Variants in LRRFIP2 observed in about 807,000 individuals in gnomAD.
LRRFIP2 encodes leucine-rich repeat flightless-interacting protein 2.
In LRRFIP2, 109 loss-of-function variants were observed where a neutral mutation model predicts 125.9. The observed-to-expected ratio is 0.87, with a 90% confidence interval of 0.74 to 1.01. The LOEUF (loss-of-function observed/expected upper bound fraction) is 1.01. Among genes scored for constraint, LRRFIP2 ranks in the 50% least tolerant of loss-of-function variants. The pLI is 0.00. For missense variants in LRRFIP2, 850 were observed against 862.3 expected (o/e 0.99, Z 0.18); for synonymous variants, 291 against 293.1 (o/e 0.99, Z 0.07).
chr3:37,135,953 C>T (rs567248815), intron 2 of LRRFIP2, among the ~76,000 whole-genome samples: 1 of 152,212 alleles, frequency 6.6e-6, no homozygotes, highest in African/African-American at 2.4e-5. Flanking sequence ...CTAAGAGAAA[C>T]GAGAACATAT....
At chr3:37,166,877 A>T (rs1169828319) in intron 1 of LRRFIP2, among the ~76,000 whole-genome samples, 1 of 151,606 alleles carries the variant, frequency 6.6e-6, no homozygotes, top group East Asian at 1.9e-4. Flanking sequence ...AATTAGCTGG[A>T]CATGGTGGCG....
Position 37,057,537 on chromosome 3 carries a change from T to C in LRRFIP2, c.1870+1253A>G, listed in dbSNP as rs1019760245. On this transcript the variant is annotated intron_variant, in intron 25 of 27. Transcript: ENST00000336686. ...CTTAACCCAAAAAGTCTTTTCTCTTTTTTTTTTTTTTGAAGAGACGGGTTT... is the reference window on the plus strand; with the variant it reads ...CTTAACCCAAAAAGTCTTTTCTCTTCTTTTTTTTTTTGAAGAGACGGGTTT... 2.0e-5 allele frequency among the ~76,000 whole-genome samples: 3 copies of C among 150,386 alleles called. No homozygotes were observed. In the East Asian group the frequency reaches 5.8e-4, roughly 29 times the overall value.
rs2094146619 is a variant in LRRFIP2, at chr3:37,103,004, C to T, written c.793G>A (p.Ala265Thr). 15 of 1,558,882 alleles carry T rather than the reference C, an allele frequency of 9.6e-6. No homozygotes were observed. The highest frequency in any genetic ancestry group is 1.7e-4 in the Middle Eastern group (1 of 6,020). ...RGRRESVVSA[A>T]DYFSRSNRRG... ...CGATTGGAGCGACTGAAATAATCAGCGGCAGATACCTTTCGGTCAGAAAAA... is the reference window on the plus strand; with the variant it reads ...CGATTGGAGCGACTGAAATAATCAGTGGCAGATACCTTTCGGTCAGAAAAA... Residue 265 changes from alanine to threonine, a missense_variant, in exon 15 of 28, where the codon GCT becomes ACT. Physicochemically the swap from Ala to Thr is moderately conservative, Grantham distance 58. Coordinates refer to ENST00000336686, the MANE Select transcript of LRRFIP2 (RefSeq NM_006309.4).
intron 2 of LRRFIP2, among the ~76,000 whole-genome samples, chr3:37,140,733 A>C (rs2095675079): frequency 6.6e-6 from 1 of 151,660 alleles, no homozygotes; most frequent in Non-Finnish European, 1.5e-5. Flanking sequence ...TCATTCCCTT[A>C]ATCTTCCTCT....
chr3:37,091,326 G>A lies in LRRFIP2; in HGVS notation c.1107+141C>T, dbSNP rs536879849. The A allele has an allele frequency of 3.3e-3, 1,740 of 535,280 alleles. 8 individuals are homozygous for A. Among genetic ancestry groups the A allele is most frequent in the Non-Finnish European group, 3.6e-3 (1,069 of 298,734 alleles). 33.2% of individuals were successfully genotyped at this position (535,280 alleles called of 1,614,324 possible). On this transcript the variant is annotated intron_variant, in intron 18 of 27. Coordinates refer to ENST00000336686, the MANE Select transcript of LRRFIP2 (RefSeq NM_006309.4). The stretch of plus-strand genomic sequence containing the variant: ...GAGATTGAAAGTTCACCATTCCTAT[G>A]CACTGCAGGTTAAGCACATGCTTGA...
intron 1 of LRRFIP2, among the ~76,000 whole-genome samples, chr3:37,151,898 C>A (rs988200319): frequency 6.6e-6 from 1 of 152,132 alleles, no homozygotes; most frequent in Non-Finnish European, 1.5e-5. Context: ...AGCCACCAGG[C>A]CTGGCCGGAA....
chr3:37,126,868 A>AAAAAGAAAGAAAGAAAGAAAG (rs59982718), intron 4 of LRRFIP2, among the ~76,000 whole-genome samples: 6 of 147,220 alleles, frequency 4.1e-5, no homozygotes, highest in African/African-American at 1.5e-4. Context: ...TCAAAAAAAA[A>AAAAAGAAAGAAAGAAAGAAAG]AAAGAAAGAA....
chr3:37,091,415 C>G lies in LRRFIP2; in HGVS notation c.1107+52G>C, dbSNP rs2149174328. 2.0e-6 allele frequency: 3 copies of G among 1,465,816 alleles called. No homozygotes were observed. In the East Asian group the frequency reaches 6.9e-5, roughly 34 times the overall value. The allele number at this position is 1,465,816 out of a possible 1,614,324, so 90.8% of individuals were successfully genotyped here. On this transcript the variant is annotated intron_variant, in intron 18 of 27. Coordinates refer to ENST00000336686, the MANE Select transcript of LRRFIP2 (RefSeq NM_006309.4). ...AACAGAACTTGCAAAGCCACCATTGCCAACACTTCTGCATACAGAGCATGC... is the reference window on the plus strand; with the variant it reads ...AACAGAACTTGCAAAGCCACCATTGGCAACACTTCTGCATACAGAGCATGC...
chr3:37,091,722 G>C (rs2093450202), intron 17 of LRRFIP2, among the ~76,000 whole-genome samples, 184 bp from the exon 18 acceptor site: 1 of 152,138 alleles, frequency 6.6e-6, no homozygotes, highest in African/African-American at 2.4e-5. Context: ...GGGGATAGTG[G>C]GACTGGGGGA....
chr3:37,115,091 TCATA>T lies in LRRFIP2; in HGVS notation c.331_334del (p.Tyr111IlefsTer13). 3 of 1,593,010 alleles carry T rather than the reference TCATA, an allele frequency of 1.9e-6. No homozygotes were observed. The highest frequency in any genetic ancestry group is 1.7e-6 in the Non-Finnish European group (2 of 1,165,896). ...TCTTGATGATCTATCCTTGAACATA[TCATA>T]CTGGGTTTCAGCAAAACATGAAAGT... On this transcript the variant is annotated frameshift_variant and splice_region_variant, in exon 7 of 28. Transcript: ENST00000336686. LOFTEE classifies it high-confidence loss of function.
chr3:37,130,272 C>T (rs2095393917), intron 2 of LRRFIP2, among the ~76,000 whole-genome samples: 2 of 152,210 alleles, frequency 1.3e-5, no homozygotes, highest in South Asian at 4.1e-4. Flanking sequence ...CATCTGCCTA[C>T]TTCCAGAATC....
chr3:37,117,641 T>G (rs965206200), intron 6 of LRRFIP2, among the ~76,000 whole-genome samples: 4 of 152,164 alleles, frequency 2.6e-5, no homozygotes, highest in African/African-American at 9.6e-5. Context: ...TGTAATCTTT[T>G]AAAGAAATTT....
At chr3:37,082,613 C>G (rs536302053) in intron 19 of LRRFIP2, among the ~76,000 whole-genome samples, 3 of 152,208 alleles carry the variant, frequency 2.0e-5, no homozygotes, top group Middle Eastern at 3.4e-3. Context: ...ATACATGTAT[C>G]CATAATAACA....
rs370891055 is a variant in LRRFIP2 at position 37,065,859 on chromosome 3, C to G, written c.1650G>C (p.Val550=). ...HEPVAGAITV[V]SQEAAQVLES... ...CCAAGACCTGAGCAGCTTCCTGAGA[C>G]ACAACAGTGATGGCTCCAGCCACTG... Residue 550 remains valine, a synonymous_variant, in exon 23 of 28, where the codon GTG becomes GTC. Coordinates refer to ENST00000336686, the MANE Select transcript of LRRFIP2 (RefSeq NM_006309.4). 4 of 1,614,082 alleles carry G rather than the reference C, an allele frequency of 2.5e-6. No individual in the cohort carries two copies. The African/African-American group carries it at 5.3e-5, about 22-fold the overall frequency.
intron 2 of LRRFIP2, among the ~76,000 whole-genome samples, chr3:37,144,967 G>C (rs1020060777): frequency 2.2e-4 from 33 of 152,030 alleles, no homozygotes; most frequent in Admixed American, 1.6e-3. Context: ...GTTTAATTTT[G>C]TTTACTCTTC....
Position 37,053,578 on chromosome 3 carries a change from A to C in LRRFIP2, c.*273T>G, listed in dbSNP as rs2148554584. On this transcript the variant is annotated 3_prime_UTR_variant, in exon 28 of 28. Transcript: ENST00000336686. ...CAGTTACTGAGGCAGCTGGGGAAAAACGTTGAGTAAACATGATTCTACAAT... is the reference window on the plus strand; with the variant it reads ...CAGTTACTGAGGCAGCTGGGGAAAACCGTTGAGTAAACATGATTCTACAAT... 3 of 360,898 alleles carry C rather than the reference A, an allele frequency of 8.3e-6. No homozygotes were observed. The highest frequency in any genetic ancestry group is 6.1e-5 in the East Asian group (1 of 16,350). 22.4% of individuals were successfully genotyped at this position (360,898 alleles called of 1,614,324 possible). A position where few individuals can be genotyped will look rare whatever the true frequency, so the allele number is the denominator to read the frequency against.
At chr3:37,107,458 C>A (rs531649110) in intron 13 of LRRFIP2, among the ~76,000 whole-genome samples, 17 of 152,208 alleles carry the variant, frequency 1.1e-4, no homozygotes, top group African/African-American at 3.9e-4. Flanking sequence ...AAATAAAGAG[C>A]ACTCATACGT....
At chr3:37,083,608 C>G in intron 19 of LRRFIP2, 28 bp downstream of exon 19, 1 of 1,494,346 alleles carries the variant, frequency 6.7e-7, no homozygotes, top group Non-Finnish European at 8.9e-7. Context: ...ATTTTCTGCC[C>G]CAAGAGAAAA....
At chr3:37,147,482 T>C (rs958904635) in intron 2 of LRRFIP2, among the ~76,000 whole-genome samples, 1 of 152,214 alleles carries the variant, frequency 6.6e-6, no homozygotes, top group Non-Finnish European at 1.5e-5. Context: ...ATTTTTGTTA[T>C]AGTAATATCA....
Sources: gnomAD v4.1 joint callset for allele counts (sites outside exome capture counted in the v4.1 genomes callset) on GRCh38, gnomAD v4.1.1 for gene constraint, MANE v1.5 for transcripts, NCBI Gene and HGNC (gene_info 2026-07-23, HGNC 2026-07-21) for gene names.